Variants in CELF1 observed in about 807,000 individuals in gnomAD.
CELF1 encodes CUGBP Elav-like family member 1, also known as 50 kDa nuclear polyadenylated RNA-binding protein.
CELF1 carries 10 observed loss-of-function variants against 61.8 expected under a neutral mutation model. That is an observed-to-expected ratio of 0.16 (90% CI 0.10 to 0.27). CELF1 has a LOEUF of 0.27. Ranked by LOEUF, CELF1 falls within the 10% of genes least tolerant of loss-of-function variation. The pLI is 1.00. For synonymous variants in CELF1, 236 were observed against 225.1 expected (o/e 1.05, Z -0.43); for missense variants, 380 against 639.1 (o/e 0.59, Z 4.37).
chr11:47,503,990 CA>C (rs2094227794), intron 1 of CELF1, among the ~76,000 whole-genome samples: 1 of 151,638 alleles, frequency 6.6e-6, no homozygotes, highest in Non-Finnish European at 1.5e-5. Flanking sequence ...GTCTGACCAA[CA>C]AAGAGAGACC....
intron 7 of CELF1, among the ~76,000 whole-genome samples, chr11:47,484,006 G>C (rs1300150031): frequency 6.6e-6 from 1 of 152,088 alleles, no homozygotes; most frequent in Non-Finnish European, 1.5e-5. Context: ...ATTGGCTAGG[G>C]AATCACTGTT....
chr11:47,498,070 G>A (rs536438336), intron 3 of CELF1, among the ~76,000 whole-genome samples: 1 of 152,190 alleles, frequency 6.6e-6, no homozygotes, highest in South Asian at 2.1e-4. Context: ...TAAAATTTTA[G>A]TAGTAAAGAA....
In CELF1 at chr11:47,473,413, G is replaced by C. The variant is rs894291745; in HGVS notation, c.1274-182C>G. Among the ~76,000 whole-genome samples, 4 of 152,214 alleles carry C rather than the reference G, an allele frequency of 2.6e-5. No homozygotes were observed. The East Asian group carries it at 7.7e-4, about 29-fold the overall frequency. On this transcript the variant is annotated intron_variant, in intron 13 of 14. Transcript: ENST00000687097. ...GGAACCAAAGGCAAACATTAAAACA[G>C]ATTCCTTCCCTCACATTCAGCCAAG...
chr11:47,543,225 G>A (rs932128537), intron 1 of CELF1, among the ~76,000 whole-genome samples: 8 of 152,108 alleles, frequency 5.3e-5, no homozygotes, highest in African/African-American at 1.9e-4. Context: ...GAAACATAGT[G>A]GGACCCCATC....
intron 3 of CELF1, among the ~76,000 whole-genome samples, chr11:47,493,048 A>G (rs1270972898): frequency 6.6e-6 from 1 of 152,198 alleles, no homozygotes. Flanking sequence ...AAGCATAAAC[A>G]CAAGTCAATA....
chr11:47,531,985 C>T (rs941721974), intron 1 of CELF1, among the ~76,000 whole-genome samples: 1 of 151,940 alleles, frequency 6.6e-6, no homozygotes, highest in African/African-American at 2.4e-5. Context: ...GATAAACAGG[C>T]TACTGAAAAA....
rs377320852 is a variant in CELF1, at chr11:47,492,218, G to A, written c.72-3194C>T. 6.6e-4 allele frequency among the ~76,000 whole-genome samples: 101 copies of A among 152,166 alleles called. No individual in the cohort carries two copies. The South Asian group carries it at 0.02, about 30-fold the overall frequency. ...TGGTCTGAAACTCCTGGGCTCAAAC[G>A]ATTCTCCCACCTCAGCCTCCCAAAG... On this transcript the variant is annotated intron_variant, in intron 3 of 14. Coordinates refer to ENST00000687097, the MANE Select transcript of CELF1 (RefSeq NM_001376376.1).
intron 3 of CELF1, chr11:47,494,397 T>TC: frequency 1.0e-6 from 1 of 984,488 alleles, no homozygotes; most frequent in Non-Finnish European, 1.2e-6. Context: ...CTATGAAAAT[T>TC]CAGGACAAGA....
rs577842602 is a variant in CELF1, at chr11:47,520,512, G to A, written c.-153-19580C>T. Among the ~76,000 whole-genome samples, 11 of 152,242 alleles carry A rather than the reference G, an allele frequency of 7.2e-5. No individual in the cohort carries two copies. In the South Asian group the frequency reaches 1.2e-3, roughly 17 times the overall value. On this transcript the variant is annotated intron_variant, in intron 1 of 14. Coordinates refer to ENST00000687097, the MANE Select transcript of CELF1 (RefSeq NM_001376376.1). ...TCCGGAAGATGTGTGGTGCAGGAAC[G>A]AGGTAAAGAAGCAGGCCAGGCACTG...
chr11:47,552,457 G>C (rs2097163226), intron 1 of CELF1, among the ~76,000 whole-genome samples: 3 of 152,342 alleles, frequency 2.0e-5, no homozygotes, highest in Admixed American at 2.0e-4. Flanking sequence ...GTGGGGGGAG[G>C]GCGAGCCAAG....
At chr11:47,540,078 G>C (rs1029100703) in intron 1 of CELF1, among the ~76,000 whole-genome samples, 1 of 152,152 alleles carries the variant, frequency 6.6e-6, no homozygotes, top group Non-Finnish European at 1.5e-5. Context: ...AAATCACAAG[G>C]TATAATTAGA....
intron 1 of CELF1, among the ~76,000 whole-genome samples, chr11:47,539,880 T>A (rs1170795574): frequency 3.9e-5 from 6 of 152,230 alleles, no homozygotes; most frequent in Non-Finnish European, 8.8e-5. Context: ...TGCTTCCACC[T>A]GTACGAGCCT....
intron 2 of CELF1, among the ~76,000 whole-genome samples, chr11:47,558,572 TAA>T (rs1419514550): frequency 1.8e-5 from 2 of 113,706 alleles, no homozygotes; most frequent in Non-Finnish European, 3.3e-5. Context: ...ATATAATATA[TAA>T]ATATATATAT....
intron 1 of CELF1, among the ~76,000 whole-genome samples, chr11:47,508,613 C>T (rs1040365254): frequency 1.3e-5 from 2 of 149,828 alleles, no homozygotes; most frequent in Non-Finnish European, 3.0e-5. Flanking sequence ...AACAAAAAAC[C>T]TCCACATAAA....
intron 1 of CELF1, among the ~76,000 whole-genome samples, chr11:47,564,776 G>A (rs2097239394): frequency 6.6e-6 from 1 of 152,194 alleles, no homozygotes; most frequent in African/African-American, 2.4e-5. Flanking sequence ...GGGCAACAGA[G>A]TGAGACTCCG....
In CELF1 at chr11:47,489,530, G is replaced by A. The variant is rs748585642; in HGVS notation, c.72-506C>T. Among the ~76,000 whole-genome samples, 50 of 151,914 alleles carry A rather than the reference G, an allele frequency of 3.3e-4. 1 individual carries two copies. Among genetic ancestry groups the A allele is most frequent in the Non-Finnish European group, 6.5e-4 (44 of 68,020 alleles). On this transcript the variant is annotated intron_variant, in intron 3 of 14. Transcript: ENST00000687097. Reference sequence around the variant, plus strand: ...CTTGATTTTCAAGGATTAAACTAAGGACTAGAATGCTGGCCTTTGAATGTA... The same window carrying A: ...CTTGATTTTCAAGGATTAAACTAAGAACTAGAATGCTGGCCTTTGAATGTA...
intron 1 of CELF1, among the ~76,000 whole-genome samples, chr11:47,550,518 T>C (rs1012821466): frequency 2.6e-5 from 4 of 151,794 alleles, no homozygotes; most frequent in African/African-American, 7.3e-5. Context: ...CATGGCGGGG[T>C]TGGGGGGGAC....
intron 1 of CELF1, among the ~76,000 whole-genome samples, chr11:47,525,986 C>G (rs1300800753): frequency 6.6e-6 from 1 of 151,412 alleles, no homozygotes; most frequent in East Asian, 1.9e-4. Context: ...AGACTGAGAA[C>G]AGACAGACCT....
intron 2 of CELF1, among the ~76,000 whole-genome samples, chr11:47,499,997 T>C (rs1348396428): frequency 6.6e-6 from 1 of 152,220 alleles, no homozygotes; most frequent in Non-Finnish European, 1.5e-5. Context: ...AATGGGTTGT[T>C]AGCCTTGCTT....
Sources: gnomAD v4.1 joint callset for allele counts (sites outside exome capture counted in the v4.1 genomes callset) on GRCh38, gnomAD v4.1.1 for gene constraint, MANE v1.5 for transcripts, NCBI Gene and HGNC (gene_info 2026-07-23, HGNC 2026-07-21) for gene names.